DEPDC5: variants seen among roughly 807,000 people sequenced by gnomAD.
The protein encoded by DEPDC5 is DEP domain containing 5, GATOR1 subcomplex subunit.
A neutral mutation model predicts 217.3 loss-of-function variants in DEPDC5; 73 were observed. The ratio of observed to expected loss-of-function variants is 0.34; its 90% CI spans 0.28 to 0.41. The LOEUF (loss-of-function observed/expected upper bound fraction) is 0.41, where lower values mean the gene tolerates loss of function less well. Among genes scored for constraint, DEPDC5 ranks in the 10% least tolerant of loss-of-function variants. The probability of loss-of-function intolerance (pLI) is 1.00; values close to 1 mark genes in which losing one functional copy is unlikely to be tolerated. For missense variants in DEPDC5, 1,675 were observed against 2,070.1 expected (o/e 0.81, Z 3.70); for synonymous variants, 733 against 756.7 (o/e 0.97, Z 0.51).
At position 31,838,939 on chromosome 22, in the gene DEPDC5, G is replaced by GT. The variant is rs2091220442; in HGVS notation, c.2515+95dup. The GT allele has an allele frequency of 2.2e-6, 3 of 1,356,894 alleles. No individual in the cohort carries two copies. The Admixed American group carries it at 7.1e-5, about 32-fold the overall frequency. The allele number at this position is 1,356,894 out of a possible 1,614,324, so 84.1% of individuals were successfully genotyped here. A position where few individuals can be genotyped will look rare whatever the true frequency, so the allele number is the denominator to read the frequency against. ...TGGTAGGTAGTAGATAAATTTAGTA[G>GT]TAATCGTTTTCGACATAGAAGTTTT... On this transcript the variant is annotated intron_variant, in intron 27 of 42. Coordinates refer to ENST00000651528, the MANE Select transcript of DEPDC5 (RefSeq NM_001242896.3).
chr22:31,872,256 A>G (rs1469903631), intron 34 of DEPDC5, among the ~76,000 whole-genome samples: 1 of 152,174 alleles, frequency 6.6e-6, no homozygotes, highest in Non-Finnish European at 1.5e-5. Flanking sequence ...AGAGAGACTG[A>G]CCTGGATTCA....
At chr22:31,825,391 T>A (rs2090061456) in intron 24 of DEPDC5, among the ~76,000 whole-genome samples, 1 of 152,198 alleles carries the variant, frequency 6.6e-6, no homozygotes, top group African/African-American at 2.4e-5. Flanking sequence ...AGCTAAGGGT[T>A]CCCTGGCAGA....
At chr22:31,829,715 C>T (rs2090447567) in intron 24 of DEPDC5, among the ~76,000 whole-genome samples, 1 of 152,068 alleles carries the variant, frequency 6.6e-6, no homozygotes, top group African/African-American at 2.4e-5. Context: ...CCCTCCCAGC[C>T]CCACAGAATT....
At chr22:31,869,254 A>AG (rs1189638878) in intron 33 of DEPDC5, among the ~76,000 whole-genome samples, 1 of 151,890 alleles carries the variant, frequency 6.6e-6, no homozygotes, top group Non-Finnish European at 1.5e-5. Context: ...AAAAAAAAAA[A>AG]AGATGCAGCA....
At chr22:31,855,439 C>T (rs2092246589) in intron 31 of DEPDC5, among the ~76,000 whole-genome samples, 1 of 150,258 alleles carries the variant, frequency 6.7e-6, no homozygotes. Flanking sequence ...TGCAGTGGCG[C>T]GATATCGGCT....
At chr22:31,832,582 C>T (rs1339725013) in intron 24 of DEPDC5, among the ~76,000 whole-genome samples, 1 of 151,810 alleles carries the variant, frequency 6.6e-6, no homozygotes, top group Non-Finnish European at 1.5e-5. Flanking sequence ...CCTTGGACTT[C>T]TGGGCACAAG....
At chr22:31,874,535 G>T in intron 36 of DEPDC5, 130 bp downstream of exon 36, 1 of 1,154,114 alleles carries the variant, frequency 8.7e-7, no homozygotes. Flanking sequence ...TTAATAAGTG[G>T]GAGGCCTTTC....
At chr22:31,768,080 A>C (rs1484273907) in intron 6 of DEPDC5, among the ~76,000 whole-genome samples, 2 of 150,946 alleles carry the variant, frequency 1.3e-5, no homozygotes, top group Middle Eastern at 3.2e-3. Context: ...ATTATATTTT[A>C]ATTGTTTTTT....
chr22:31,826,002 T>A, intron 24 of DEPDC5, among the ~76,000 whole-genome samples: 1 of 151,998 alleles, frequency 6.6e-6, no homozygotes, highest in East Asian at 1.9e-4. Flanking sequence ...ATGAAGAGAT[T>A]GAATTTTTTT....
intron 39 of DEPDC5, among the ~76,000 whole-genome samples, chr22:31,895,429 C>G (rs1055653762): frequency 6.6e-6 from 1 of 152,192 alleles, no homozygotes; most frequent in East Asian, 1.9e-4. Context: ...CTGACCATCC[C>G]CCATCGCAGT....
At chr22:31,784,730 A>T in intron 9 of DEPDC5, 84 bp from the exon 10 acceptor site, 1 of 1,331,806 alleles carries the variant, frequency 7.5e-7, no homozygotes, top group Non-Finnish European at 1.1e-6. Context: ...GAATTTACTT[A>T]GAGAAGAAAT....
intron 4 of DEPDC5, among the ~76,000 whole-genome samples, chr22:31,761,003 A>G (rs1313312470): frequency 6.7e-6 from 1 of 148,736 alleles, no homozygotes; most frequent in Non-Finnish European, 1.5e-5. Context: ...TTTTTCTGAG[A>G]CAGTGTCTTG....
At chr22:31,766,949 A>G (rs1368792374) in intron 6 of DEPDC5, among the ~76,000 whole-genome samples, 3 of 152,058 alleles carry the variant, frequency 2.0e-5, no homozygotes, top group Non-Finnish European at 4.4e-5. Flanking sequence ...ACTTTATCCC[A>G]TTTGCTCCTC....
intron 7 of DEPDC5, among the ~76,000 whole-genome samples, chr22:31,770,645 G>A (rs1158926035): frequency 6.8e-6 from 1 of 148,142 alleles, no homozygotes; most frequent in African/African-American, 2.5e-5. Context: ...GCCCACCTTC[G>A]ACTCCCAAAG....
At chr22:31,818,232 G>A (rs771621195) in intron 21 of DEPDC5, among the ~76,000 whole-genome samples, 6 of 152,088 alleles carry the variant, frequency 3.9e-5, no homozygotes, top group African/African-American at 7.2e-5. Context: ...TCCTTGCCTG[G>A]TCAAGGCTGG....
intron 12 of DEPDC5, 68 bp downstream of exon 12, chr22:31,792,885 A>G: frequency 7.4e-7 from 1 of 1,355,048 alleles, no homozygotes; most frequent in Non-Finnish European, 9.7e-7. Context: ...CTTAAAAATA[A>G]GTCAGCCTGG....
chr22:31,793,316 T>C (rs1569522354), intron 12 of DEPDC5, among the ~76,000 whole-genome samples: 3 of 152,142 alleles, frequency 2.0e-5, no homozygotes, highest in Non-Finnish European at 4.4e-5. Flanking sequence ...CAAGATATCA[T>C]GTTGCATTTA....
chr22:31,859,143 T>G (rs1367414807), intron 32 of DEPDC5: 1 of 129,270 alleles, frequency 7.7e-6, no homozygotes, highest in Non-Finnish European at 1.5e-5. Flanking sequence ...CAGGCTGGAG[T>G]GCAGTGGCGC....
At chr22:31,804,798 A>G (rs1373625524) in intron 16 of DEPDC5, 44 bp from the exon 17 acceptor site, 5 of 1,584,894 alleles carry the variant, frequency 3.2e-6, no homozygotes, top group African/African-American at 1.4e-5. Context: ...TCCAAAACCT[A>G]CTTGTTCTGT....
Sources: allele counts gnomAD v4.1 joint callset (sites outside exome capture counted in the v4.1 genomes callset), GRCh38; gene constraint gnomAD v4.1.1; transcripts MANE v1.5; gene names NCBI Gene and HGNC (gene_info 2026-07-23, HGNC 2026-07-21).